The following TRAPPC12 variants were observed in gnomAD, a reference collection of about 807,000 sequenced individuals.
TRAPPC12 encodes the protein trafficking protein particle complex subunit 12.
Under a neutral mutation model 69.2 loss-of-function variants are expected in TRAPPC12, and 61 were observed. The ratio of observed to expected loss-of-function variants is 0.88; its 90% confidence interval spans 0.72 to 1.09. The LOEUF is 1.09. Among genes scored for constraint, TRAPPC12 ranks in the 50% least tolerant of loss-of-function variants. TRAPPC12 has a pLI of 0.00. For synonymous variants in TRAPPC12, 469 were observed against 438.9 expected (o/e 1.07, Z -0.86); for missense variants, 1,101 against 1,016.4 (o/e 1.08, Z -1.13).
chr2:3,388,469 C>T lies in TRAPPC12; in HGVS notation c.846C>T (p.His282=). Residue 282 remains histidine, a synonymous_variant, in exon 2 of 12, where the codon CAC becomes CAT. Transcript: ENST00000324266. ...CGGCGTCGCCAGAGCCTTTCGCGCACATCCAGGCAGTGTTTGCAGGGAGTG... is the reference window on the plus strand; with the variant it reads ...CGGCGTCGCCAGAGCCTTTCGCGCATATCCAGGCAGTGTTTGCAGGGAGTG... The part of the protein sequence containing the change: ...APPASPEPFA[H]IQAVFAGSDD... 5 of 1,612,346 alleles carry T rather than the reference C, an allele frequency of 3.1e-6. No homozygotes were observed. Among genetic ancestry groups the T allele is most frequent in the Non-Finnish European group, 4.2e-6 (5 of 1,179,530 alleles).
intron 1 of TRAPPC12, 149 bp from the exon 2 acceptor site, chr2:3,387,471 T>C: frequency 3.0e-6 from 2 of 675,764 alleles, no homozygotes; most frequent in Non-Finnish European, 4.9e-6. Flanking sequence ...TGGTCAATTT[T>C]ATGTGTATTT....
chr2:3,383,418 A>T (rs1286131046), intron 1 of TRAPPC12, among the ~76,000 whole-genome samples: 1 of 88,642 alleles, frequency 1.1e-5, no homozygotes, highest in South Asian at 4.5e-4. Flanking sequence ...GCCCCGCCCG[A>T]GACGGAGTCT....
At chr2:3,457,125 AAG>A (rs544379397) in intron 6 of TRAPPC12, 1 of 464,928 alleles carries the variant, frequency 2.2e-6, no homozygotes, top group South Asian at 1.5e-5. Context: ...GCCGTAAAAA[AAG>A]AACCAAATCA....
chr2:3,448,187 A>T (rs1315772168), intron 6 of TRAPPC12, among the ~76,000 whole-genome samples: 2 of 152,160 alleles, frequency 1.3e-5, no homozygotes, highest in Non-Finnish European at 2.9e-5. Context: ...CAGGGAGGTG[A>T]AGTGTTCCCC....
At chr2:3,470,082 G>A (rs1451834387) in intron 9 of TRAPPC12, among the ~76,000 whole-genome samples, 5 of 152,162 alleles carry the variant, frequency 3.3e-5, no homozygotes, top group Non-Finnish European at 5.9e-5. Flanking sequence ...GCTGAGTCTC[G>A]GGGAGAAAGC....
intron 3 of TRAPPC12, among the ~76,000 whole-genome samples, chr2:3,406,110 C>T (rs1040461206): frequency 1.3e-5 from 2 of 152,156 alleles, no homozygotes; most frequent in Non-Finnish European, 2.9e-5. Flanking sequence ...AGAAGCCAAA[C>T]CTTCCCCAGA....
chr2:3,426,525 G>A (rs758699534), intron 5 of TRAPPC12, among the ~76,000 whole-genome samples: 2 of 152,234 alleles, frequency 1.3e-5, no homozygotes, highest in South Asian at 2.1e-4. Context: ...TCTGTCTGCC[G>A]TGGCCTGGCC....
rs1665397336 is a variant in TRAPPC12 at position 3,459,976 on chromosome 2, C to A, written c.1604-287C>A. On this transcript the variant is annotated intron_variant, in intron 7 of 11. Transcript: ENST00000324266. ...GGGTTCTGGCTTTGGAAACGGGGCCCCCGGTCGGACCATTTGGCCTTGTGT... is the reference window on the plus strand; with the variant it reads ...GGGTTCTGGCTTTGGAAACGGGGCCACCGGTCGGACCATTTGGCCTTGTGT... 2.5e-5 allele frequency: 13 copies of A among 518,374 alleles called. No homozygotes were observed. In the South Asian group the frequency reaches 2.5e-4, roughly 10 times the overall value. 32.1% of individuals were successfully genotyped at this position (518,374 alleles called of 1,614,324 possible).
chr2:3,447,131 C>T (rs952461184), intron 6 of TRAPPC12, among the ~76,000 whole-genome samples: 3 of 151,292 alleles, frequency 2.0e-5, no homozygotes, highest in Admixed American at 1.3e-4. Flanking sequence ...AGCGGAGTCT[C>T]GTTCTGTCAC....
intron 3 of TRAPPC12, among the ~76,000 whole-genome samples, chr2:3,420,912 T>G (rs865918357): frequency 1.3e-5 from 2 of 152,324 alleles, no homozygotes; most frequent in African/African-American, 4.8e-5. Flanking sequence ...GCGCTTGGCA[T>G]GCACACAAAA....
intron 1 of TRAPPC12, among the ~76,000 whole-genome samples, chr2:3,383,621 C>T (rs1367993473): frequency 6.6e-6 from 1 of 150,966 alleles, no homozygotes; most frequent in African/African-American, 2.4e-5. Context: ...CGGCCAGGCT[C>T]ATCTTGAACT....
Position 3,387,637 on chromosome 2 carries a change from G to C in TRAPPC12, c.14G>C (p.Gly5Ala). Residue 5 changes from glycine to alanine, a missense_variant, in exon 2 of 12, where the codon GGC becomes GCC. By Grantham distance (60) the Gly-to-Ala change is moderately conservative (BLOSUM62 0). Transcript: ENST00000324266. ...GCTTTCAGGGTCATGGAGGACGCTG[G>C]CGGCGGCGAGGAGACCCCGGCCCCG... is the stretch of plus-strand genomic sequence containing the variant. MEDA[G>A]GGEETPAPEA... The C allele has an allele frequency of 6.5e-7, 1 of 1,543,000 alleles. No homozygotes were observed. The highest frequency in any genetic ancestry group is 8.8e-7 in the Non-Finnish European group (1 of 1,141,486).
intron 1 of TRAPPC12, among the ~76,000 whole-genome samples, chr2:3,384,742 T>A (rs1249480989): frequency 6.6e-6 from 1 of 152,212 alleles, no homozygotes; most frequent in Non-Finnish European, 1.5e-5. Context: ...CTTGTCAAAT[T>A]TTGGTCTCAA....
At chr2:3,466,574 C>T (rs1665821533) in intron 9 of TRAPPC12, among the ~76,000 whole-genome samples, 1 of 152,244 alleles carries the variant, frequency 6.6e-6, no homozygotes, top group Non-Finnish European at 1.5e-5. Flanking sequence ...CAGCTAACAG[C>T]TGGTCCTCTC....
At chr2:3,477,625 G>T in intron 9 of TRAPPC12, 70 bp from the exon 10 acceptor site, 2 of 819,322 alleles carry the variant, frequency 2.4e-6, no homozygotes, top group Non-Finnish European at 1.9e-6. Context: ...TGATATTAGG[G>T]AACTAAATAT....
chr2:3,428,059 G>A (rs1663216058), intron 5 of TRAPPC12, among the ~76,000 whole-genome samples: 2 of 152,172 alleles, frequency 1.3e-5, no homozygotes. Context: ...GACACTGAGT[G>A]CCCTTTAAGA....
rs1452223051 is a variant in TRAPPC12, at chr2:3,460,355, A to G, written c.1677+19A>G. On this transcript the variant is annotated intron_variant, in intron 8 of 11. Transcript: ENST00000324266. The stretch of plus-strand genomic sequence containing the variant: ...GATGAAGGTACGTGGGTGGCCAAGC[A>G]GGGCTGCCATGTGATCTGGAAGAGC... 1.4e-5 allele frequency: 12 copies of G among 867,546 alleles called. No homozygotes were observed. The highest frequency in any genetic ancestry group is 2.4e-5 in the Non-Finnish European group (12 of 498,182). 53.7% of individuals were successfully genotyped at this position (867,546 alleles called of 1,614,324 possible). A position where few individuals can be genotyped will look rare whatever the true frequency, so the allele number is the denominator to read the frequency against.
rs375526948 is a variant in TRAPPC12, at chr2:3,465,619, C to T, written c.1700C>T (p.Ala567Val). 107 of 1,613,932 alleles carry T rather than the reference C, an allele frequency of 6.6e-5. No homozygotes were observed. Among genetic ancestry groups the T allele is most frequent in the South Asian group, 1.6e-4 (15 of 91,088 alleles). ...LMKDYVLAVE[A>V]YHSVIKYYPE... is the part of the protein sequence containing the mutation. ...CAGGATTATGTGCTGGCCGTGGAGGCGTATCATTCGGTTATCAAGTATTAC... is the reference window on the plus strand; with the variant it reads ...CAGGATTATGTGCTGGCCGTGGAGGTGTATCATTCGGTTATCAAGTATTAC... Residue 567 changes from alanine to valine, a missense_variant, in exon 9 of 12, where the codon GCG (alanine) becomes GTG (valine). Physicochemically the swap from Ala to Val is moderately conservative, Grantham distance 64. Coordinates refer to ENST00000324266, the MANE Select transcript of TRAPPC12 (RefSeq NM_016030.6).
At chr2:3,386,332 TAA>T (rs752439347) in intron 1 of TRAPPC12, among the ~76,000 whole-genome samples, 9 of 152,196 alleles carry the variant, frequency 5.9e-5, no homozygotes, top group Non-Finnish European at 7.4e-5. Flanking sequence ...CTACATAAAG[TAA>T]AAGTTTTTCA....
Sources: allele counts gnomAD v4.1 joint callset (sites outside exome capture counted in the v4.1 genomes callset), GRCh38; gene constraint gnomAD v4.1.1; transcripts MANE v1.5; gene names NCBI Gene and HGNC (gene_info 2026-07-23, HGNC 2026-07-21).